INSR: variants seen among roughly 807,000 people sequenced by gnomAD.
INSR encodes insulin receptor.
In INSR, 67 loss-of-function variants were observed where a neutral mutation model predicts 142.6. That is an observed-to-expected ratio of 0.47 (90% CI 0.39 to 0.58). INSR has a LOEUF of 0.58. Among genes scored for constraint, INSR ranks in the 20% least tolerant of loss-of-function variants. INSR has a pLI of 0.00. For synonymous variants in INSR, 756 were observed against 743.1 expected, an observed-to-expected ratio of 1.02 and a Z score of -0.28; for missense variants, 1,248 against 1,833.2, an observed-to-expected ratio of 0.68 and a Z score of 5.83.
chr19:7,132,148 G>T lies in INSR; in HGVS notation c.2842+10C>A. The stretch of plus-strand genomic sequence containing the variant: ...AGCCCCAGTCAGCTGAGGCTGCCAT[G>T]GAGACTTACAATAGTCTGTCACGTA... On this transcript the variant is annotated intron_variant, in intron 14 of 21. Coordinates refer to ENST00000302850, the MANE Select transcript of INSR (RefSeq NM_000208.4). The T allele has an allele frequency of 6.2e-7, 1 of 1,614,086 alleles. No individual in the cohort carries two copies. The highest frequency in any genetic ancestry group is 8.5e-7 in the Non-Finnish European group (1 of 1,179,932).
At chr19:7,165,724 A>G (rs10419596) in intron 8 of INSR, among the ~76,000 whole-genome samples, 28,515 of 151,798 alleles carry the variant, frequency 0.19, 2,903 homozygotes, top group African/African-American at 0.25. Flanking sequence ...TTAGCTGGGT[A>G]TAGTGGTGCA....
chr19:7,190,279 A>G (rs4804368), intron 2 of INSR, among the ~76,000 whole-genome samples: 85,644 of 151,580 alleles, frequency 0.57, 25,086 homozygotes, highest in Admixed American at 0.63. Flanking sequence ...CTGCCTTCTT[A>G]TTTCAGTGAC....
chr19:7,203,495 G>A (rs964441291), intron 2 of INSR, among the ~76,000 whole-genome samples: 16 of 152,278 alleles, frequency 1.1e-4, no homozygotes, highest in East Asian at 7.7e-4. Flanking sequence ...ATCGATCTCC[G>A]TGGAAGGTCT....
At chr19:7,197,595 TGTGTCAGATTCCAGAGTGGGA>T (rs1974801086) in intron 2 of INSR, among the ~76,000 whole-genome samples, 1 of 109,044 alleles carries the variant, frequency 9.2e-6, no homozygotes, top group African/African-American at 3.1e-5. Flanking sequence ...TGTGTGTGTG[TGTGTCAGATTCCAGAGTGGGA>T]GTGTGTGTGT....
chr19:7,238,829 G>A (rs75472695), intron 2 of INSR, among the ~76,000 whole-genome samples: 1,682 of 151,850 alleles, frequency 0.011, 35 homozygotes, highest in African/African-American at 0.038. Context: ...TCAGGAAGGG[G>A]TGGGCTTCCA....
At position 7,157,169 on chromosome 19, in the gene INSR, G is replaced by A. The variant is rs149817341; in HGVS notation, c.2030-4242C>T. ...CTAATTTTGTATTTTTAGTAGAGAC[G>A]GGGTTTGGCCATGTTGGCCAGGCTG... On this transcript the variant is annotated intron_variant, in intron 9 of 21. Coordinates refer to ENST00000302850, the MANE Select transcript of INSR (RefSeq NM_000208.4). 5.2e-3 allele frequency among the ~76,000 whole-genome samples: 796 copies of A among 152,234 alleles called. 4 individuals are homozygous for A. Among genetic ancestry groups the A allele is most frequent in the African/African-American group, 0.018 (747 of 41,562 alleles).
intron 2 of INSR, among the ~76,000 whole-genome samples, chr19:7,199,313 C>T (rs138846763): frequency 4.3e-4 from 66 of 152,232 alleles, no homozygotes; most frequent in African/African-American, 1.5e-3. Flanking sequence ...ACCAGCTCTG[C>T]CAGAACTCGA....
intron 11 of INSR, among the ~76,000 whole-genome samples, chr19:7,145,981 A>C (rs1973175030): frequency 6.6e-6 from 1 of 152,156 alleles, no homozygotes. Flanking sequence ...TATGAGTTTT[A>C]TGAAGCCTCT....
intron 2 of INSR, among the ~76,000 whole-genome samples, chr19:7,208,876 G>A (rs575157702): frequency 5.8e-4 from 88 of 152,228 alleles, no homozygotes; most frequent in African/African-American, 2.1e-3. Flanking sequence ...GGTGGCGCGT[G>A]CCTGTAATCC....
At chr19:7,234,389 T>C (rs1976092421) in intron 2 of INSR, among the ~76,000 whole-genome samples, 1 of 151,942 alleles carries the variant, frequency 6.6e-6, no homozygotes, top group East Asian at 1.9e-4. Context: ...AAATTTTTTG[T>C]AGAGATGGGG....
At chr19:7,201,530 C>G (rs1974952546) in intron 2 of INSR, among the ~76,000 whole-genome samples, 1 of 151,004 alleles carries the variant, frequency 6.6e-6, no homozygotes, top group Non-Finnish European at 1.5e-5. Flanking sequence ...GAGGCTGAGG[C>G]AGGAGAATCG....
intron 2 of INSR, among the ~76,000 whole-genome samples, chr19:7,201,354 A>G (rs893721908): frequency 1.1e-4 from 16 of 152,120 alleles, no homozygotes; most frequent in Admixed American, 9.2e-4. Flanking sequence ...ATGGATTTAA[A>G]TGACATCTGT....
intron 2 of INSR, among the ~76,000 whole-genome samples, chr19:7,257,527 CA>C (rs55712056): frequency 0.29 from 24,359 of 85,082 alleles, 2,075 homozygotes; most frequent in Middle Eastern, 0.39. Context: ...CAGAGAGCTC[CA>C]AAAAAAAAAA....
At chr19:7,135,228 C>T (rs1473162295) in intron 13 of INSR, among the ~76,000 whole-genome samples, 5 of 149,112 alleles carry the variant, frequency 3.4e-5, no homozygotes, top group African/African-American at 9.9e-5. Context: ...AATGAGTCAC[C>T]GAGTAGAGAG....
intron 2 of INSR, among the ~76,000 whole-genome samples, chr19:7,261,489 C>T (rs1977061153): frequency 6.6e-6 from 1 of 152,114 alleles, no homozygotes; most frequent in African/African-American, 2.4e-5. Context: ...ATCATTAGCA[C>T]ATGCCATGTT....
intron 2 of INSR, among the ~76,000 whole-genome samples, chr19:7,222,127 T>TGTAA (rs1356174716): frequency 7.9e-6 from 1 of 126,320 alleles, no homozygotes; most frequent in South Asian, 2.5e-4. Context: ...ATGTCCTCGG[T>TGTAA]AAAAAAAAAA....
At chr19:7,212,740 C>A (rs535675337) in intron 2 of INSR, among the ~76,000 whole-genome samples, 2 of 152,170 alleles carry the variant, frequency 1.3e-5, no homozygotes, top group African/African-American at 2.4e-5. Flanking sequence ...CACCCACCCC[C>A]ACGTCCTGCT....
intron 2 of INSR, among the ~76,000 whole-genome samples, chr19:7,262,565 G>C (rs1048772759): frequency 7.2e-5 from 11 of 152,214 alleles, no homozygotes; most frequent in Non-Finnish European, 1.3e-4. Context: ...CAGTGGCCCT[G>C]ATTCACAATG....
chr19:7,275,211 G>A (rs921067653), intron 1 of INSR, among the ~76,000 whole-genome samples: 4 of 151,876 alleles, frequency 2.6e-5, no homozygotes, highest in Non-Finnish European at 4.4e-5. Context: ...CTGACCTCAG[G>A]TGATCCACCT....
Sources: allele counts gnomAD v4.1 joint callset (sites outside exome capture counted in the v4.1 genomes callset), GRCh38; gene constraint gnomAD v4.1.1; transcripts MANE v1.5; gene names NCBI Gene and HGNC (gene_info 2026-07-23, HGNC 2026-07-21).